Variants in ATP1B3 observed in about 807,000 individuals in gnomAD.
ATP1B3 encodes sodium/potassium-transporting ATPase subunit beta-3.
A neutral mutation model predicts 30.2 loss-of-function variants in ATP1B3; 10 were observed. That is an observed-to-expected ratio of 0.33 (90% CI 0.20 to 0.56). The LOEUF (loss-of-function observed/expected upper bound fraction) is 0.56. ATP1B3 is among the 20% of genes least tolerant of loss of function. ATP1B3 has a pLI of 0.90. For missense variants in ATP1B3, 238 were observed against 336.7 expected (o/e 0.71, Z 2.29); for synonymous variants, 113 against 117.0 (o/e 0.97, Z 0.22).
intron 1 of ATP1B3, among the ~76,000 whole-genome samples, chr3:141,899,318 T>G (rs1007715461): frequency 2.0e-5 from 3 of 152,246 alleles, no homozygotes; most frequent in African/African-American, 7.2e-5. Context: ...ATTATACATG[T>G]CTCTGCTTTA....
chr3:141,894,687 TGG>T (rs1323978483), intron 1 of ATP1B3, among the ~76,000 whole-genome samples: 1 of 152,200 alleles, frequency 6.6e-6, no homozygotes, highest in African/African-American at 2.4e-5. Context: ...CTTGCCCCAC[TGG>T]AAGGTCTTCA....
chr3:141,920,855 C>G (rs77634787), intron 5 of ATP1B3, among the ~76,000 whole-genome samples: 13,395 of 152,222 alleles, frequency 0.088, 732 homozygotes, highest in East Asian at 0.16. Flanking sequence ...TATTCATCAT[C>G]TGGATCATTA....
At chr3:141,880,117 C>T (rs187368920) in intron 1 of ATP1B3, among the ~76,000 whole-genome samples, 24 of 152,094 alleles carry the variant, frequency 1.6e-4, no homozygotes, top group African/African-American at 4.6e-4. Flanking sequence ...GGTTCCTCTC[C>T]AAGTGCATTG....
At chr3:141,898,468 A>G (rs556149975) in intron 1 of ATP1B3, among the ~76,000 whole-genome samples, 1 of 152,352 alleles carries the variant, frequency 6.6e-6, no homozygotes, top group African/African-American at 2.4e-5. Context: ...CTCTGTAGAA[A>G]ATATACAGAT....
chr3:141,901,644 A>G (rs1227050301), intron 1 of ATP1B3, among the ~76,000 whole-genome samples: 2 of 152,214 alleles, frequency 1.3e-5, no homozygotes, highest in Non-Finnish European at 2.9e-5. Flanking sequence ...ATTGTGTAAT[A>G]GTTCCTTAGA....
intron 2 of ATP1B3, among the ~76,000 whole-genome samples, chr3:141,905,237 C>T (rs1934241736): frequency 6.6e-6 from 1 of 152,028 alleles, no homozygotes; most frequent in Non-Finnish European, 1.5e-5. Flanking sequence ...AGTGGGGAAT[C>T]GGGCCAGGAA....
At chr3:141,913,510 T>C in intron 3 of ATP1B3, 142 bp from the exon 4 acceptor site, 1 of 676,196 alleles carries the variant, frequency 1.5e-6, no homozygotes, top group Non-Finnish European at 2.4e-6. Flanking sequence ...GGGGCAAACT[T>C]AACATTCTTT....
chr3:141,918,471 GTCTC>G (rs1176081886), intron 5 of ATP1B3: 1 of 150,824 alleles, frequency 6.6e-6, no homozygotes, highest in African/African-American at 2.4e-5. Flanking sequence ...TTGAGACGGA[GTCTC>G]TCTCTGTTGC....
At chr3:141,889,756 TACACACACACACACACACACAC>T (rs34670135) in intron 1 of ATP1B3, among the ~76,000 whole-genome samples, 3 of 84,032 alleles carry the variant, frequency 3.6e-5, no homozygotes, top group East Asian at 3.9e-4. Flanking sequence ...AAAAAATATA[TACACACACACACACACACACAC>T]ACACACACAC....
At chr3:141,911,210 G>C (rs72988227) in intron 3 of ATP1B3, among the ~76,000 whole-genome samples, 350 of 151,916 alleles carry the variant, frequency 2.3e-3, no homozygotes, top group African/African-American at 8.3e-3. Context: ...TCTGTTTGTT[G>C]GGTCTTAGAC....
At chr3:141,919,926 A>G (rs1401751631) in intron 5 of ATP1B3, among the ~76,000 whole-genome samples, 1 of 152,132 alleles carries the variant, frequency 6.6e-6, no homozygotes, top group Non-Finnish European at 1.5e-5. Context: ...GCAACAGAGC[A>G]ACTCTGTCTC....
At chr3:141,901,691 A>T (rs1158365818) in intron 1 of ATP1B3, among the ~76,000 whole-genome samples, 4 of 152,128 alleles carry the variant, frequency 2.6e-5, no homozygotes, top group Admixed American at 6.5e-5. Flanking sequence ...TATCTGCTAT[A>T]TATTTATTTG....
chr3:141,922,085 T>C, intron 6 of ATP1B3, 22 bp downstream of exon 6: 2 of 1,394,548 alleles, frequency 1.4e-6, no homozygotes, highest in Non-Finnish European at 2.0e-6. Flanking sequence ...GAAGTTCTTA[T>C]GTGGTGATTA....
At chr3:141,898,190 G>C (rs1238717628) in intron 1 of ATP1B3, among the ~76,000 whole-genome samples, 1 of 152,086 alleles carries the variant, frequency 6.6e-6, no homozygotes, top group African/African-American at 2.4e-5. Flanking sequence ...TATGACCTTG[G>C]ATTAGTCAGT....
chr3:141,877,198 C>T (rs889348427), intron 1 of ATP1B3, among the ~76,000 whole-genome samples: 1 of 137,880 alleles, frequency 7.3e-6, no homozygotes. Context: ...GCCCGGGCCT[C>T]CCGCCCGGCG....
intron 1 of ATP1B3, among the ~76,000 whole-genome samples, chr3:141,890,653 G>T (rs1297722755): frequency 6.8e-6 from 1 of 147,980 alleles, no homozygotes; most frequent in Non-Finnish European, 1.5e-5. Flanking sequence ...GCCCAGGCTG[G>T]TCTCGAACTC....
chr3:141,916,438 AAG>A, intron 5 of ATP1B3: 1 of 632,060 alleles, frequency 1.6e-6, no homozygotes, highest in Non-Finnish European at 2.6e-6. Context: ...CATTTTCCTT[AAG>A]GTAGAAGCAT....
chr3:141,907,341 C>T (rs1020004326), intron 3 of ATP1B3, 67 bp downstream of exon 3: 31 of 1,352,076 alleles, frequency 2.3e-5, no homozygotes, highest in Non-Finnish European at 3.1e-5. Context: ...AATTGTGGGC[C>T]GGGCACGGTA....
At chr3:141,905,483 T>C (rs1164388389) in intron 2 of ATP1B3, among the ~76,000 whole-genome samples, 2 of 152,256 alleles carry the variant, frequency 1.3e-5, no homozygotes, top group Non-Finnish European at 2.9e-5. Context: ...CCTTGCTCAC[T>C]GTATAGACTT....
Sources: allele counts gnomAD v4.1 joint callset (sites outside exome capture counted in the v4.1 genomes callset), GRCh38; gene constraint gnomAD v4.1.1; transcripts MANE v1.5; gene names NCBI Gene and HGNC (gene_info 2026-07-23, HGNC 2026-07-21).